The following PAN3 variants were observed in gnomAD, a reference collection of about 807,000 sequenced individuals.
PAN3 encodes the protein PAN2-PAN3 deadenylation complex subunit PAN3.
PAN3 carries 19 observed loss-of-function variants against 96.2 expected under a neutral mutation model. The ratio of observed to expected loss-of-function variants is 0.20; its 90% CI spans 0.14 to 0.29. PAN3 has a LOEUF of 0.29. PAN3 is among the 10% of genes least tolerant of loss of function. The pLI is 1.00. For synonymous variants in PAN3, 433 were observed against 406.6 expected (o/e 1.06, Z -0.78); for missense variants, 882 against 1,108.1 (o/e 0.80, Z 2.90).
chr13:28,239,476 T>G (rs1593538967), intron 6 of PAN3: 1 of 493,122 alleles, frequency 2.0e-6, no homozygotes, highest in African/African-American at 2.0e-5. Flanking sequence ...TGAAAGGAAG[T>G]TGAACTATTT....
intron 6 of PAN3, among the ~76,000 whole-genome samples, chr13:28,238,328 G>A (rs536224465): frequency 2.6e-5 from 4 of 152,278 alleles, no homozygotes; most frequent in African/African-American, 9.6e-5. Flanking sequence ...TAGCTCATTG[G>A]TGCTTAATCC....
At chr13:28,291,490 T>C (rs1367240427) in intron 18 of PAN3, among the ~76,000 whole-genome samples, 1 of 152,156 alleles carries the variant, frequency 6.6e-6, no homozygotes, top group Non-Finnish European at 1.5e-5. Context: ...TAAATTTAAA[T>C]AGCAAGGTGC....
chr13:28,223,743 A>G (rs1248229542), intron 6 of PAN3, among the ~76,000 whole-genome samples: 1 of 151,964 alleles, frequency 6.6e-6, no homozygotes, highest in Non-Finnish European at 1.5e-5. Context: ...TAGCCTAAAG[A>G]TACATTTTTC....
intron 17 of PAN3, among the ~76,000 whole-genome samples, chr13:28,281,724 A>G (rs1218377977): frequency 1.3e-5 from 2 of 150,678 alleles, no homozygotes; most frequent in Admixed American, 6.6e-5. Context: ...GACTTGAGAA[A>G]TCTCTAATTT....
chr13:28,256,852 C>T (rs1885190341), intron 7 of PAN3, among the ~76,000 whole-genome samples: 2 of 152,122 alleles, frequency 1.3e-5, no homozygotes, highest in Admixed American at 6.6e-5. Context: ...TGCCTGCTGA[C>T]ATTTGTTTAT....
intron 6 of PAN3, among the ~76,000 whole-genome samples, chr13:28,239,162 AAC>A (rs71086840): frequency 0.04 from 3,064 of 76,780 alleles, 157 homozygotes; most frequent in African/African-American, 0.15. Flanking sequence ...CACCCCCGCC[AAC>A]ACACACACAC....
At chr13:28,267,991 A>T (rs922035677) in intron 12 of PAN3, among the ~76,000 whole-genome samples, 10 of 152,356 alleles carry the variant, frequency 6.6e-5, no homozygotes, top group African/African-American at 2.4e-4. Flanking sequence ...AGATTTTTGA[A>T]GACTCACATA....
At chr13:28,212,545 AC>A (rs1200559273) in intron 5 of PAN3, among the ~76,000 whole-genome samples, 1 of 152,230 alleles carries the variant, frequency 6.6e-6, no homozygotes, top group Non-Finnish European at 1.5e-5. Context: ...AGAAATAGTT[AC>A]GTGAAAACAT....
chr13:28,208,968 C>T (rs1566188716), intron 5 of PAN3, among the ~76,000 whole-genome samples: 1 of 152,108 alleles, frequency 6.6e-6, no homozygotes, highest in Non-Finnish European at 1.5e-5. Context: ...GGGATTGGTT[C>T]TAGCAACAAC....
At chr13:28,192,653 T>G (rs1195684155) in intron 4 of PAN3, among the ~76,000 whole-genome samples, 1 of 152,236 alleles carries the variant, frequency 6.6e-6, no homozygotes. Flanking sequence ...CAGTGGGTTG[T>G]GGTTTGTTTA....
At chr13:28,263,970 C>T (rs117049406) in intron 9 of PAN3, among the ~76,000 whole-genome samples, 4,012 of 152,242 alleles carry the variant, frequency 0.026, 74 homozygotes, top group Middle Eastern at 0.085. Flanking sequence ...TTCTGACTAT[C>T]CCTTCCCGCG....
intron 1 of PAN3, among the ~76,000 whole-genome samples, chr13:28,149,878 A>G (rs1208073335): frequency 6.6e-6 from 1 of 152,158 alleles, no homozygotes; most frequent in Non-Finnish European, 1.5e-5. Flanking sequence ...TAGTTGGCCA[A>G]AGTGTTGTGC....
At chr13:28,274,153 G>T (rs1886865507) in intron 14 of PAN3, among the ~76,000 whole-genome samples, 1 of 152,066 alleles carries the variant, frequency 6.6e-6, no homozygotes, top group African/African-American at 2.4e-5. Flanking sequence ...AACACAGGGA[G>T]GAATATGATT....
rs563279855 is a variant in PAN3 at position 28,215,764 on chromosome 13, C to G, written c.853-4467C>G. The G allele has an allele frequency of 1.6e-5, 24 of 1,456,344 alleles. No homozygotes were observed. The East Asian group carries it at 5.3e-4, about 32-fold the overall frequency. The allele number at this position is 1,456,344 out of a possible 1,614,324, so 90.2% of individuals were successfully genotyped here. On this transcript the variant is annotated intron_variant, in intron 5 of 18. Transcript: ENST00000380958. ...TGTGCTGAGAGCTTCTCAGACCATCCTCTTCTGAGTTGTTTTGCTGTTGGT... is the reference window on the plus strand; with the variant it reads ...TGTGCTGAGAGCTTCTCAGACCATCGTCTTCTGAGTTGTTTTGCTGTTGGT...
intron 6 of PAN3, among the ~76,000 whole-genome samples, chr13:28,226,090 C>CT (rs1881977190): frequency 6.6e-6 from 1 of 152,146 alleles, no homozygotes; most frequent in South Asian, 2.1e-4. Flanking sequence ...AATCTATGGT[C>CT]TTGAAGATGG....
rs1369209391 is a variant in PAN3, at chr13:28,268,519, A to G, written c.1792+1118A>G. Among the ~76,000 whole-genome samples the G allele has an allele frequency of 2.0e-5, 3 of 152,212 alleles. No homozygotes were observed. In the East Asian group the frequency reaches 5.8e-4, roughly 29 times the overall value. ...TATCATTGAGATTTTGCAAACAACC[A>G]GAATACTTGAATTCTAACAAATGTG... On this transcript the variant is annotated intron_variant, in intron 12 of 18. Transcript: ENST00000380958.
intron 6 of PAN3, among the ~76,000 whole-genome samples, chr13:28,236,249 G>A (rs999015226): frequency 3.3e-4 from 50 of 152,234 alleles, no homozygotes; most frequent in African/African-American, 1.1e-3. Context: ...CTTGCTCAGC[G>A]TTTGATCTCA....
intron 6 of PAN3, among the ~76,000 whole-genome samples, chr13:28,230,745 G>A (rs1485500741): frequency 6.6e-6 from 1 of 151,660 alleles, no homozygotes; most frequent in African/African-American, 2.4e-5. Context: ...TTACTTTTTT[G>A]TGTGAATTTT....
chr13:28,220,523 A>G (rs1331394786), intron 6 of PAN3, 145 bp downstream of exon 6: 2 of 938,942 alleles, frequency 2.1e-6, no homozygotes, highest in Non-Finnish European at 2.9e-6. Flanking sequence ...TTGGTACCAT[A>G]GGCCAAATGT....
Sources: gnomAD v4.1 joint callset for allele counts (sites outside exome capture counted in the v4.1 genomes callset) on GRCh38, gnomAD v4.1.1 for gene constraint, MANE v1.5 for transcripts, NCBI Gene and HGNC (gene_info 2026-07-23, HGNC 2026-07-21) for gene names.